The following DPYSL2 variants were observed in gnomAD, a reference collection of about 807,000 sequenced individuals.
The protein encoded by DPYSL2 is dihydropyrimidinase like 2.
In DPYSL2, 13 loss-of-function variants were observed where a neutral mutation model predicts 69.9. The ratio of observed to expected loss-of-function variants is 0.19; its 90% CI spans 0.12 to 0.30. DPYSL2 has a LOEUF of 0.30. Ranked by LOEUF, DPYSL2 falls within the 10% of genes least tolerant of loss-of-function variation. DPYSL2 has a pLI of 1.00. For synonymous variants in DPYSL2, 326 were observed against 359.1 expected, an observed-to-expected ratio of 0.91 and a Z score of 1.04; for missense variants, 587 against 918.9, an observed-to-expected ratio of 0.64 and a Z score of 4.67.
rs576661357 is a variant in DPYSL2, at chr8:26,622,817, T to G, written c.629-1326T>G. On this transcript the variant is annotated intron_variant, in intron 3 of 13. Coordinates refer to ENST00000521913, the MANE Select transcript of DPYSL2 (RefSeq NM_001197293.3). Reference sequence around the variant, plus strand: ...CAAATCCAAGCCCAGTTGATCAGAATTTAGCAGTATCTGCAAGATTTGAAC... The same window carrying G: ...CAAATCCAAGCCCAGTTGATCAGAAGTTAGCAGTATCTGCAAGATTTGAAC... Among the ~76,000 whole-genome samples, 7 of 152,346 alleles carry G rather than the reference T, an allele frequency of 4.6e-5. No homozygotes were observed. In the East Asian group the frequency reaches 1.3e-3, roughly 29 times the overall value.
At chr8:26,574,732 GA>G in intron 1 of DPYSL2, among the ~76,000 whole-genome samples, 1 of 152,240 alleles carries the variant, frequency 6.6e-6, no homozygotes, top group South Asian at 2.1e-4. Flanking sequence ...TTTTTCTACA[GA>G]AAGTATAAGA....
intron 4 of DPYSL2, among the ~76,000 whole-genome samples, chr8:26,625,977 T>C (rs1802602574): frequency 6.6e-6 from 1 of 152,224 alleles, no homozygotes; most frequent in African/African-American, 2.4e-5. Flanking sequence ...ACTCACTCAT[T>C]AAACACTAAC....
chr8:26,631,802 T>C (rs1802781784), intron 7 of DPYSL2, among the ~76,000 whole-genome samples: 1 of 152,106 alleles, frequency 6.6e-6, no homozygotes, highest in African/African-American at 2.4e-5. Context: ...GCTTGGATAG[T>C]GGCAGAGCGT....
chr8:26,583,487 G>A (rs1801533205), intron 2 of DPYSL2, among the ~76,000 whole-genome samples: 1 of 152,216 alleles, frequency 6.6e-6, no homozygotes, highest in South Asian at 2.1e-4. Flanking sequence ...GTGCTGTAAA[G>A]AAAGTTTAAT....
intron 1 of DPYSL2, chr8:26,578,357 G>C: frequency 2.5e-6 from 4 of 1,603,210 alleles, no homozygotes; most frequent in Non-Finnish European, 3.4e-6. Flanking sequence ...GAAGGTCTAA[G>C]GAATTTTTAA....
At chr8:26,630,432 G>A (rs73227611) in intron 7 of DPYSL2, among the ~76,000 whole-genome samples, 2,415 of 152,254 alleles carry the variant, frequency 0.016, 22 homozygotes, top group Middle Eastern at 0.027. Flanking sequence ...TCTTGGGATT[G>A]GGCCTTGGAA....
rs1808289603 is a variant in DPYSL2 at position 26,516,319 on chromosome 8, C to A, written c.354+1640C>A. On this transcript the variant is annotated intron_variant, in intron 1 of 13. Transcript: ENST00000521913. This position sits in a 1 kb window ranked among gnomAD's most constrained non-coding sequence, Gnocchi z 4.8. ...CTGAGTGAGTGTGTGTGAAACACTT[C>A]CCTGTGTGAGTACATTGAGTGAGGG... 6.6e-6 allele frequency among the ~76,000 whole-genome samples: 1 copy of A among 152,120 alleles called. No homozygotes were observed. The highest frequency in any genetic ancestry group is 1.5e-5 in the Non-Finnish European group (1 of 68,028).
chr8:26,562,238 C>T lies in DPYSL2; in HGVS notation c.355-19731C>T, dbSNP rs367577215. On this transcript the variant is annotated intron_variant, in intron 1 of 13. Transcript: ENST00000521913. This position sits in a 1 kb window ranked among gnomAD's most constrained non-coding sequence, Gnocchi z 4.9. ...GGTCCTGGGGAAAGTTCCTTAATCT[C>T]ACTTTGTTTCCACTCTACCTCACAG... Among the ~76,000 whole-genome samples, 36 of 152,316 alleles carry T rather than the reference C, an allele frequency of 2.4e-4. 1 individual carries two copies. The South Asian group carries it at 7.0e-3, about 30-fold the overall frequency.
At chr8:26,645,803 A>T (rs957590653) in intron 10 of DPYSL2, among the ~76,000 whole-genome samples, 2 of 148,458 alleles carry the variant, frequency 1.3e-5, no homozygotes, top group Non-Finnish European at 3.0e-5. Flanking sequence ...ACCTGCCTTG[A>T]CCTCCCAAAG....
At chr8:26,567,280 C>CCCATCCATCCAT (rs143811544) in intron 1 of DPYSL2, among the ~76,000 whole-genome samples, 100,571 of 149,092 alleles carry the variant, frequency 0.67, 34,409 homozygotes, top group East Asian at 0.96. Flanking sequence ...TATCCACCTA[C>CCCATCCATCCAT]CCATCCATCC....
chr8:26,602,514 G>T (rs1004833733), intron 3 of DPYSL2, among the ~76,000 whole-genome samples: 1 of 152,138 alleles, frequency 6.6e-6, no homozygotes, highest in Non-Finnish European at 1.5e-5. Flanking sequence ...CTGATGGAGG[G>T]GTGTCAAGGA....
intron 1 of DPYSL2, among the ~76,000 whole-genome samples, chr8:26,527,804 C>CTTTTTTTTTTTTTT (rs34631984): frequency 1.1e-4 from 15 of 132,688 alleles, no homozygotes; most frequent in African/African-American, 4.2e-4. Flanking sequence ...TTTGTTTATC[C>CTTTTTTTTTTTTTT]TTTTTTTTTT....
intron 7 of DPYSL2, among the ~76,000 whole-genome samples, chr8:26,632,693 CA>C (rs1419791036): frequency 2.8e-4 from 43 of 152,286 alleles, no homozygotes; most frequent in Middle Eastern, 3.4e-3. Flanking sequence ...ATGGAGTAGT[CA>C]CCTGTATCTC....
At chr8:26,603,265 C>T (rs544216233) in intron 3 of DPYSL2, among the ~76,000 whole-genome samples, 4 of 152,222 alleles carry the variant, frequency 2.6e-5, no homozygotes, top group East Asian at 1.9e-4. Context: ...CTCCACCTCC[C>T]GGGTTCAAGC....
Position 26,654,731 on chromosome 8 carries a change from A to G in DPYSL2, c.1943-884A>G, listed in dbSNP as rs943837070. Among the ~76,000 whole-genome samples the G allele has an allele frequency of 4.6e-5, 7 of 152,166 alleles. No individual in the cohort carries two copies. The highest frequency in any genetic ancestry group is 2.1e-4 in the South Asian group (1 of 4,828). On this transcript the variant is annotated intron_variant, in intron 13 of 13. Transcript: ENST00000521913. This position sits in a 1 kb window ranked among gnomAD's most constrained non-coding sequence, Gnocchi z 5.0. ...ACAGGACAGAGTCTAAGATGTAGTG[A>G]TATTTTGTATATAGTTTTACTTTCT...
At position 26,647,757 on chromosome 8, in the gene DPYSL2, A is replaced by T. The variant is rs755311140; in HGVS notation, c.1553A>T (p.Asp518Val). Residue 518 changes from aspartate to valine, a missense_variant, in exon 11 of 14, where the codon GAC (aspartate) becomes GTC (valine). Around this residue, in one of 3 missense-constraint regions of DPYSL2, gnomAD observed 452 missense variants for 754.3 expected, o/e 0.60. Transcript: ENST00000521913. The surrounding 1 kb of genome is among the most constrained non-coding windows in gnomAD (Gnocchi z 5.1). ...VGSDADLVIW[D>V]PDSVKTISAK... Reference sequence around the variant, plus strand: ...TCCGATGCCGACCTGGTCATCTGGGACCCCGACAGCGTTAAAACCATCTCT... The same window carrying T: ...TCCGATGCCGACCTGGTCATCTGGGTCCCCGACAGCGTTAAAACCATCTCT... 15 of 1,613,914 alleles carry T rather than the reference A, an allele frequency of 9.3e-6. No homozygotes were observed. The highest frequency in any genetic ancestry group is 1.3e-5 in the Non-Finnish European group (15 of 1,180,022).
At position 26,648,826 on chromosome 8, in the gene DPYSL2, C is replaced by T. The variant is rs1358411157; in HGVS notation, c.1596+1026C>T. ...GTGTTTGGGCTGCAATGGGCTCAGGCTCAGCTCTGGCTTCTGCCACCTGTG... is the reference window on the plus strand; with the variant it reads ...GTGTTTGGGCTGCAATGGGCTCAGGTTCAGCTCTGGCTTCTGCCACCTGTG... On this transcript the variant is annotated intron_variant, in intron 11 of 13. Coordinates refer to ENST00000521913, the MANE Select transcript of DPYSL2 (RefSeq NM_001197293.3). This position sits in a 1 kb window ranked among gnomAD's most constrained non-coding sequence, Gnocchi z 4.3. Among the ~76,000 whole-genome samples, 1 of 152,222 alleles carries T rather than the reference C, an allele frequency of 6.6e-6. No individual in the cohort carries two copies. The highest frequency in any genetic ancestry group is 2.4e-5 in the African/African-American group (1 of 41,458).
intron 3 of DPYSL2, among the ~76,000 whole-genome samples, chr8:26,607,387 G>A (rs1585541835): frequency 2.6e-5 from 4 of 151,834 alleles, no homozygotes; most frequent in Admixed American, 2.6e-4. Context: ...GGAGGCTGAG[G>A]CAGGAGAATC....
intron 1 of DPYSL2, among the ~76,000 whole-genome samples, chr8:26,527,413 T>C (rs1304708828): frequency 1.3e-5 from 2 of 152,220 alleles, no homozygotes; most frequent in African/African-American, 4.8e-5. Context: ...TTCGTAAGCT[T>C]ATTTTTTTCC....
Sources: allele counts gnomAD v4.1 joint callset (sites outside exome capture counted in the v4.1 genomes callset), GRCh38; gene constraint gnomAD v4.1.1; regional missense constraint gnomAD v4.1.1; non-coding constraint Gnocchi (gnomAD v3.1); transcripts MANE v1.5; gene names NCBI Gene and HGNC (gene_info 2026-07-23, HGNC 2026-07-21).